The following RAB4A variants were observed in gnomAD, a reference collection of about 807,000 sequenced individuals.
RAB4A encodes the protein ras-related protein Rab-4A.
In RAB4A, 20 loss-of-function variants were observed where a neutral mutation model predicts 34.5. The observed-to-expected ratio is 0.58, with a 90% confidence interval of 0.41 to 0.84. RAB4A has a LOEUF of 0.84. Among genes scored for constraint, RAB4A ranks in the 40% least tolerant of loss-of-function variants. RAB4A has a pLI of 0.00. For synonymous variants in RAB4A, 102 were observed against 100.0 expected (o/e 1.02, Z -0.12); for missense variants, 228 against 274.5 (o/e 0.83, Z 1.20).
chr1:229,276,015 T>A (rs978912483), intron 1 of RAB4A, among the ~76,000 whole-genome samples: 1 of 151,328 alleles, frequency 6.6e-6, no homozygotes, highest in Admixed American at 6.6e-5. Context: ...TTACCTTAAT[T>A]TCATGAAAGA....
intron 1 of RAB4A, among the ~76,000 whole-genome samples, chr1:229,278,430 A>C (rs1656703116): frequency 6.6e-6 from 1 of 152,100 alleles, no homozygotes; most frequent in South Asian, 2.1e-4. Context: ...TCTCCACATC[A>C]GCTATTTTAA....
At chr1:229,276,339 G>A (rs576077528) in intron 1 of RAB4A, among the ~76,000 whole-genome samples, 9 of 151,338 alleles carry the variant, frequency 5.9e-5, no homozygotes, top group Non-Finnish European at 1.3e-4. Flanking sequence ...CTCCATGCTC[G>A]AGAACTTTGA....
intron 3 of RAB4A, among the ~76,000 whole-genome samples, chr1:229,294,847 TGGA>T (rs1245359669): frequency 6.6e-6 from 1 of 152,146 alleles, no homozygotes; most frequent in African/African-American, 2.4e-5. Context: ...CAGTTGGATG[TGGA>T]GAAGAGCAGA....
chr1:229,277,449 CCAG>C (rs1292853886), intron 1 of RAB4A, among the ~76,000 whole-genome samples: 1 of 151,204 alleles, frequency 6.6e-6, no homozygotes, highest in East Asian at 1.9e-4. Context: ...CCTCTCCTAA[CCAG>C]CATTTCATCA....
intron 1 of RAB4A, among the ~76,000 whole-genome samples, chr1:229,282,450 G>C (rs944530128): frequency 6.6e-6 from 1 of 152,144 alleles, no homozygotes; most frequent in East Asian, 1.9e-4. Flanking sequence ...AGTTCATTCA[G>C]CTTTTCAAAT....
chr1:229,286,918 C>T (rs1272746205), intron 2 of RAB4A, among the ~76,000 whole-genome samples: 1 of 152,112 alleles, frequency 6.6e-6, no homozygotes, highest in African/African-American at 2.4e-5. Context: ...ACATTTGGTC[C>T]TCATAGTGGG....
intron 1 of RAB4A, among the ~76,000 whole-genome samples, chr1:229,275,861 A>AGCCTCC (rs1558234274): frequency 6.6e-6 from 1 of 151,048 alleles, no homozygotes; most frequent in African/African-American, 2.5e-5. Context: ...TCCTGACCTC[A>AGCCTCC]TGATCCCGCC....
In RAB4A at chr1:229,271,204, C is replaced by A; in HGVS notation, c.-136C>A. On this transcript the variant is annotated 5_prime_UTR_variant, in exon 1 of 8. Transcript: ENST00000366690. ...GGCTGGGCCGCAGCCGCTGGGAGAC[C>A]GGCGGTTGCCGTGGGGACCGGTCGG... 1 of 878,180 alleles carries A rather than the reference C, an allele frequency of 1.1e-6. No homozygotes were observed. The highest frequency in any genetic ancestry group is 1.5e-6 in the Non-Finnish European group (1 of 668,828). 54.4% of individuals were successfully genotyped at this position (878,180 alleles called of 1,614,324 possible). A position where few individuals can be genotyped will look rare whatever the true frequency, so the allele number is the denominator to read the frequency against.
At chr1:229,303,669 A>T (rs957165320) in intron 7 of RAB4A, 137 bp from the exon 8 acceptor site, 2 of 152,236 alleles carry the variant, frequency 1.3e-5, no homozygotes, top group Non-Finnish European at 2.9e-5. Flanking sequence ...CGTTTTATTT[A>T]TAGTCGACAT....
rs192323249 is a variant in RAB4A at position 229,282,082 on chromosome 1, T to C, written c.32-4404T>C. On this transcript the variant is annotated intron_variant, in intron 1 of 7. Transcript: ENST00000366690. ...CTTCCTTTATCATTTTCTTCCTGTT[T>C]AGAGAAATTCCTATAGCTATTCTTT... Among the ~76,000 whole-genome samples the C allele has an allele frequency of 7.2e-5, 11 of 152,220 alleles. No individual in the cohort carries two copies. In the East Asian group the frequency reaches 1.9e-3, roughly 27 times the overall value.
chr1:229,298,493 C>A lies in RAB4A; in HGVS notation c.446-484C>A, dbSNP rs116819804. Among the ~76,000 whole-genome samples, 1,015 of 152,356 alleles carry A rather than the reference C, an allele frequency of 6.7e-3. 8 individuals carry two copies. Among genetic ancestry groups the A allele is most frequent in the African/African-American group, 0.023 (958 of 41,582 alleles). On this transcript the variant is annotated intron_variant, in intron 5 of 7. Coordinates refer to ENST00000366690, the MANE Select transcript of RAB4A (RefSeq NM_004578.4). The stretch of plus-strand genomic sequence containing the variant: ...CAGGCCTTTCTGCTGAGATGAACAG[C>A]CACTCTGGTGGGTAGAAAGAGTATT...
At chr1:229,271,473 C>T in intron 1 of RAB4A, 103 bp downstream of exon 1, 1 of 993,342 alleles carries the variant, frequency 1.0e-6, no homozygotes, top group Non-Finnish European at 1.3e-6. Flanking sequence ...GGCGGTGGCG[C>T]CGGCCGGAGC....
At chr1:229,303,763 T>C (rs1657478081) in intron 7 of RAB4A, 43 bp from the exon 8 acceptor site, 1 of 152,242 alleles carries the variant, frequency 6.6e-6, no homozygotes, top group Non-Finnish European at 1.5e-5. Flanking sequence ...ACTTTTGCAT[T>C]TATAGTTATG....
At chr1:229,289,102 G>A (rs1232503659) in intron 3 of RAB4A, 1 of 403,104 alleles carries the variant, frequency 2.5e-6, no homozygotes, top group African/African-American at 2.1e-5. Context: ...ATTCTCAGGA[G>A]GATGTGGCAC....
In RAB4A at chr1:229,304,269, A is replaced by ATTGATAGCC. The variant is rs1657490902; in HGVS notation, c.*477_*485dup. ...TGACCTGATATTCAAAGACTCTGGC[A>ATTGATAGCC]TTGATAGCCAGTGTGTTTTCTTATT... On this transcript the variant is annotated 3_prime_UTR_variant, in exon 8 of 8. Transcript: ENST00000366690. The ATTGATAGCC allele has an allele frequency of 1.3e-5, 2 of 152,120 alleles. No individual in the cohort carries two copies. Among genetic ancestry groups the ATTGATAGCC allele is most frequent in the African/African-American group, 4.8e-5 (2 of 41,392 alleles). 9.4% of individuals were successfully genotyped at this position (152,120 alleles called of 1,614,324 possible). A position where few individuals can be genotyped will look rare whatever the true frequency, so the allele number is the denominator to read the frequency against.
intron 1 of RAB4A, among the ~76,000 whole-genome samples, chr1:229,277,952 C>T (rs1656691953): frequency 6.6e-6 from 1 of 151,346 alleles, no homozygotes; most frequent in Admixed American, 6.6e-5. Flanking sequence ...GCAACCTCCA[C>T]CTCCTAGGTT....
intron 1 of RAB4A, among the ~76,000 whole-genome samples, chr1:229,278,955 C>T (rs1387294146): frequency 6.6e-6 from 1 of 152,224 alleles, no homozygotes; most frequent in African/African-American, 2.4e-5. Context: ...CCCAAATCTC[C>T]ACTGTGTTGG....
chr1:229,273,906 C>A (rs1656569912), intron 1 of RAB4A, among the ~76,000 whole-genome samples: 1 of 152,170 alleles, frequency 6.6e-6, no homozygotes, highest in Non-Finnish European at 1.5e-5. Flanking sequence ...CTCTTCTGGA[C>A]ATTTGCCTCT....
intron 2 of RAB4A, among the ~76,000 whole-genome samples, chr1:229,287,527 C>T (rs1415630614): frequency 6.6e-6 from 1 of 152,206 alleles, no homozygotes; most frequent in Non-Finnish European, 1.5e-5. Context: ...CCAGAGGGTA[C>T]TGGGCCAAGT....
Sources: allele counts gnomAD v4.1 joint callset (sites outside exome capture counted in the v4.1 genomes callset), GRCh38; gene constraint gnomAD v4.1.1; transcripts MANE v1.5; gene names NCBI Gene and HGNC (gene_info 2026-07-23, HGNC 2026-07-21).